The following LIN7A variants were observed in gnomAD, a reference collection of about 807,000 sequenced individuals.
The protein encoded by LIN7A is protein lin-7 homolog A.
In LIN7A, 25 loss-of-function variants were observed where a neutral mutation model predicts 29.8. The observed-to-expected ratio is 0.84, with a 90% CI of 0.61 to 1.17. The LOEUF is 1.17. LIN7A is among the 50% of genes most tolerant of loss of function. The pLI, the probability that LIN7A is intolerant of heterozygous loss-of-function variation, is 0.00. For synonymous variants in LIN7A, 118 were observed against 107.5 expected (o/e 1.10, Z -0.60); for missense variants, 239 against 287.0 (o/e 0.83, Z 1.21).
intron 2 of LIN7A, among the ~76,000 whole-genome samples, chr12:80,885,556 A>G (rs1328673975): frequency 3.3e-5 from 5 of 152,112 alleles, no homozygotes; most frequent in Admixed American, 2.6e-4. Flanking sequence ...CATGACTAAG[A>G]AAAGTGTTGC....
chr12:80,807,402 C>G (rs1436332969), intron 5 of LIN7A, among the ~76,000 whole-genome samples: 3 of 151,978 alleles, frequency 2.0e-5, no homozygotes, highest in Non-Finnish European at 4.4e-5. Flanking sequence ...ATGGATGGAA[C>G]TGAGAAATGG....
At chr12:80,884,409 A>G (rs1323571972) in intron 2 of LIN7A, among the ~76,000 whole-genome samples, 1 of 152,206 alleles carries the variant, frequency 6.6e-6, no homozygotes, top group African/African-American at 2.4e-5. Context: ...TGTTCATAAA[A>G]GGTTATCTAG....
intron 4 of LIN7A, among the ~76,000 whole-genome samples, chr12:80,841,365 AAGGAAGGAAG>A (rs2121538841): frequency 7.1e-6 from 1 of 140,764 alleles, no homozygotes; most frequent in Non-Finnish European, 1.5e-5. Flanking sequence ...GGAAGGAAGG[AAGGAAGGAAG>A]GAAGGAAGGA....
intron 1 of LIN7A, among the ~76,000 whole-genome samples, chr12:80,890,614 G>A (rs760576530): frequency 4.6e-5 from 7 of 152,136 alleles, no homozygotes; most frequent in Non-Finnish European, 7.4e-5. Flanking sequence ...TGACTTTGAT[G>A]GGGACTGTCT....
At chr12:80,827,378 C>A (rs928768586) in intron 4 of LIN7A, among the ~76,000 whole-genome samples, 1 of 142,174 alleles carries the variant, frequency 7.0e-6, no homozygotes, top group African/African-American at 2.5e-5. Context: ...CAGAGTGAGA[C>A]TCTGTCACAA....
chr12:80,840,814 T>C (rs1397138823), intron 4 of LIN7A, among the ~76,000 whole-genome samples: 1 of 152,150 alleles, frequency 6.6e-6, no homozygotes, highest in Non-Finnish European at 1.5e-5. Flanking sequence ...GAAGGGACTT[T>C]GGGGCCAACC....
At chr12:80,934,829 A>C (rs1314972137) in intron 1 of LIN7A, among the ~76,000 whole-genome samples, 1 of 152,194 alleles carries the variant, frequency 6.6e-6, no homozygotes. Context: ...ATTTGCTGGG[A>C]TGCCCTTGGG....
chr12:80,930,794 A>G (rs992426575), intron 1 of LIN7A, among the ~76,000 whole-genome samples: 2 of 152,176 alleles, frequency 1.3e-5, no homozygotes, highest in Non-Finnish European at 2.9e-5. Flanking sequence ...GGTAGCCACT[A>G]CTTTTCATTA....
chr12:80,841,781 A>ATAG (rs1279786582), intron 4 of LIN7A: 6 of 546,228 alleles, frequency 1.1e-5, no homozygotes, highest in Non-Finnish European at 1.4e-5. Context: ...ACCCTTATAA[A>ATAG]TAGTCCTTGA....
At chr12:80,824,757 C>T (rs189930301) in intron 4 of LIN7A, among the ~76,000 whole-genome samples, 37 of 152,252 alleles carry the variant, frequency 2.4e-4, no homozygotes, top group Admixed American at 1.2e-3. Flanking sequence ...GAATTAAAAA[C>T]GAAAATCACA....
At chr12:80,899,831 C>T (rs1406153103) in intron 1 of LIN7A, among the ~76,000 whole-genome samples, 2 of 126,486 alleles carry the variant, frequency 1.6e-5, no homozygotes, top group Non-Finnish European at 3.2e-5. Flanking sequence ...TGCAGTGGCG[C>T]GATCTCCACT....
intron 2 of LIN7A, among the ~76,000 whole-genome samples, chr12:80,870,974 G>A (rs1374328913): frequency 6.6e-6 from 1 of 152,136 alleles, no homozygotes; most frequent in Non-Finnish European, 1.5e-5. Flanking sequence ...CTCAGGGAAA[G>A]GTCAATGCAA....
In LIN7A at chr12:80,912,861, C is replaced by T. The variant is rs756246; in HGVS notation, c.83-23492G>A. Among the ~76,000 whole-genome samples the T allele has an allele frequency of 1.6e-3, 237 of 152,202 alleles. 1 individual carries two copies. The highest frequency in any genetic ancestry group is 0.013 in the Admixed American group (194 of 15,284). On this transcript the variant is annotated intron_variant, in intron 1 of 5. Coordinates refer to ENST00000552864, the MANE Select transcript of LIN7A (RefSeq NM_004664.4). The stretch of plus-strand genomic sequence containing the variant: ...AAAGAAATCCTGTATGTGAGCTCAC[C>T]TCCATACCTGCATAAGCATTTTAGA...
chr12:80,853,190 T>A (rs1458739985), intron 2 of LIN7A, among the ~76,000 whole-genome samples: 1 of 152,200 alleles, frequency 6.6e-6, no homozygotes, highest in African/African-American at 2.4e-5. Flanking sequence ...CTCAAGTAAA[T>A]GTTATATAGA....
At chr12:80,896,079 C>T (rs756134108) in intron 1 of LIN7A, among the ~76,000 whole-genome samples, 31 of 152,128 alleles carry the variant, frequency 2.0e-4, no homozygotes, top group Non-Finnish European at 4.0e-4. Context: ...CTGGAATAAC[C>T]TATAGTGGTC....
Position 80,937,626 on chromosome 12 carries a change from G to T in LIN7A, c.82+15C>A, listed in dbSNP as rs367736950. ...GAGGGGACGCGGTGGCCTGGCGAGC[G>T]AGCCGCTCCCTTACCTCTGTCCAGG... On this transcript the variant is annotated intron_variant, in intron 1 of 5. Transcript: ENST00000552864. 1.3e-5 allele frequency: 19 copies of T among 1,479,530 alleles called. No individual in the cohort carries two copies. Among genetic ancestry groups the T allele is most frequent in the Middle Eastern group, 4.0e-4 (2 of 5,000 alleles). 91.7% of individuals were successfully genotyped at this position (1,479,530 alleles called of 1,614,324 possible).
chr12:80,830,654 A>T (rs555313418), intron 4 of LIN7A, among the ~76,000 whole-genome samples: 40 of 152,322 alleles, frequency 2.6e-4, no homozygotes, highest in African/African-American at 7.7e-4. Context: ...TTAGAAAAAA[A>T]CTAAAAATTG....
At chr12:80,846,336 T>C (rs984791769) in intron 3 of LIN7A, among the ~76,000 whole-genome samples, 1 of 152,192 alleles carries the variant, frequency 6.6e-6, no homozygotes, top group African/African-American at 2.4e-5. Flanking sequence ...AGATGGCGTC[T>C]TGCACTCTTT....
intron 3 of LIN7A, among the ~76,000 whole-genome samples, chr12:80,846,806 C>A (rs1873098194): frequency 6.6e-6 from 1 of 152,194 alleles, no homozygotes; most frequent in Admixed American, 6.5e-5. Context: ...TTAGTTCCCA[C>A]TAACCCCATA....
Sources: gnomAD v4.1 joint callset for allele counts (sites outside exome capture counted in the v4.1 genomes callset) on GRCh38, gnomAD v4.1.1 for gene constraint, MANE v1.5 for transcripts, NCBI Gene and HGNC (gene_info 2026-07-23, HGNC 2026-07-21) for gene names.